Variants in WDR7 observed in about 807,000 individuals in gnomAD.
WDR7 encodes WD repeat domain 7, also known as WD repeat-containing protein 7.
WDR7 carries 46 observed loss-of-function variants against 169.4 expected under a neutral mutation model. The observed-to-expected ratio is 0.27, with a 90% CI of 0.21 to 0.35. The LOEUF is 0.35. WDR7 is among the 10% of genes least tolerant of loss of function. The probability of loss-of-function intolerance (pLI) is 1.00; values close to 1 mark genes in which losing one functional copy is unlikely to be tolerated. For synonymous variants in WDR7, 612 were observed against 666.8 expected (o/e 0.92, Z 1.27); for missense variants, 1,534 against 1,859.3 (o/e 0.83, Z 3.22).
intron 21 of WDR7, among the ~76,000 whole-genome samples, chr18:56,902,955 T>A (rs1044393933): frequency 2.6e-5 from 4 of 152,200 alleles, no homozygotes; most frequent in Non-Finnish European, 5.9e-5. Flanking sequence ...GCAGGTTCTT[T>A]CAAACTTGCT....
intron 20 of WDR7, among the ~76,000 whole-genome samples, chr18:56,822,671 G>T (rs1055671090): frequency 6.6e-6 from 1 of 152,142 alleles, no homozygotes; most frequent in African/African-American, 2.4e-5. Context: ...AAGTAGTTTA[G>T]ATGTATGTGA....
chr18:56,720,368 G>C (rs2026294229), intron 13 of WDR7, among the ~76,000 whole-genome samples: 1 of 152,036 alleles, frequency 6.6e-6, no homozygotes, highest in Non-Finnish European at 1.5e-5. Flanking sequence ...AGAATCACTT[G>C]AGACCAGGAG....
At chr18:56,734,876 A>G (rs981713823) in intron 14 of WDR7, among the ~76,000 whole-genome samples, 2 of 152,164 alleles carry the variant, frequency 1.3e-5, no homozygotes, top group Admixed American at 6.6e-5. Context: ...GCATTGTAGT[A>G]TAACTACACA....
At chr18:56,790,535 T>C (rs2044467899) in intron 19 of WDR7, among the ~76,000 whole-genome samples, 1 of 152,184 alleles carries the variant, frequency 6.6e-6, no homozygotes, top group African/African-American at 2.4e-5. Flanking sequence ...ATATTTTTAT[T>C]ATATTAGCTA....
chr18:56,801,275 G>A (rs953924335), intron 19 of WDR7, among the ~76,000 whole-genome samples: 4 of 152,124 alleles, frequency 2.6e-5, no homozygotes, highest in African/African-American at 7.2e-5. Context: ...GTAGTATTGT[G>A]TATAGTTATT....
At chr18:56,769,108 C>T (rs1041042110) in intron 16 of WDR7, among the ~76,000 whole-genome samples, 1 of 151,636 alleles carries the variant, frequency 6.6e-6, no homozygotes, top group Non-Finnish European at 1.5e-5. Flanking sequence ...CTTGATTTTG[C>T]GGTTTATGAA....
intron 16 of WDR7, among the ~76,000 whole-genome samples, chr18:56,769,953 T>A (rs2044127696): frequency 6.6e-6 from 1 of 152,200 alleles, no homozygotes; most frequent in African/African-American, 2.4e-5. Flanking sequence ...CACCTTTGAT[T>A]TGCTGTGGAA....
intron 1 of WDR7, among the ~76,000 whole-genome samples, chr18:56,661,907 T>G (rs2024912119): frequency 6.6e-6 from 1 of 152,200 alleles, no homozygotes; most frequent in Admixed American, 6.5e-5. Flanking sequence ...ATACATCATC[T>G]TAATCATCAT....
intron 12 of WDR7, among the ~76,000 whole-genome samples, chr18:56,715,326 A>C (rs1305893532): frequency 6.6e-6 from 1 of 152,210 alleles, no homozygotes; most frequent in Non-Finnish European, 1.5e-5. Context: ...AACGCCTAAC[A>C]TAGTAGAGAA....
intron 26 of WDR7, among the ~76,000 whole-genome samples, chr18:56,976,525 T>G (rs1235835443): frequency 6.6e-6 from 1 of 152,200 alleles, no homozygotes; most frequent in Admixed American, 6.5e-5. Context: ...GTAGGTAGTA[T>G]GGTGAGCAAC....
At chr18:56,965,852 G>T (rs530550463) in intron 26 of WDR7, among the ~76,000 whole-genome samples, 1 of 152,088 alleles carries the variant, frequency 6.6e-6, no homozygotes. Context: ...TTTGTGTGGG[G>T]TTGAACTCCA....
intron 25 of WDR7, among the ~76,000 whole-genome samples, chr18:56,951,481 G>A (rs902167306): frequency 5.9e-5 from 9 of 152,008 alleles, no homozygotes; most frequent in Non-Finnish European, 8.8e-5. Context: ...CTCATCTGTC[G>A]ATTCTAAGGT....
In WDR7 at chr18:56,756,717, T is replaced by A. The variant is rs1161208586; in HGVS notation, c.2124T>A (p.Ser708=). 6.2e-7 allele frequency: 1 copy of A among 1,614,100 alleles called. No homozygotes were observed. The highest frequency in any genetic ancestry group is 1.3e-5 in the African/African-American group (1 of 74,938). ...TTCAACTCCTGACTGAAGAAGCCTCTAGGCCGAATACTGCTCTTATTTCCC... is the reference window on the plus strand; with the variant it reads ...TTCAACTCCTGACTGAAGAAGCCTCAAGGCCGAATACTGCTCTTATTTCCC... ...LIIQLLTEEA[S]RPNTALISPE... Residue 708 remains serine (S), a synonymous_variant, in exon 15 of 28, where the codon TCT becomes TCA. Coordinates refer to ENST00000254442, the MANE Select transcript of WDR7 (RefSeq NM_015285.3).
chr18:56,935,655 C>T, intron 22 of WDR7, 133 bp from the exon 23 acceptor site: 1 of 789,086 alleles, frequency 1.3e-6, no homozygotes, highest in Non-Finnish European at 2.1e-6. Context: ...CCCATTGTTG[C>T]AAGTCCATTA....
In WDR7 at chr18:56,671,850, T is replaced by C. The variant is rs556555494; in HGVS notation, c.-19-647T>C. 7.2e-5 allele frequency among the ~76,000 whole-genome samples: 11 copies of C among 152,312 alleles called. No individual in the cohort carries two copies. In the East Asian group the frequency reaches 1.9e-3, roughly 27 times the overall value. On this transcript the variant is annotated intron_variant, in intron 1 of 27. Transcript: ENST00000254442. The stretch of plus-strand genomic sequence containing the variant: ...AATGGAGTTTATATATGTACTTACA[T>C]TTATACACACACATACAATGTTCAG...
rs79888078 is a variant in WDR7, at chr18:56,691,405, G to T, written c.863+44G>T. The T allele has an allele frequency of 5.6e-3, 8,597 of 1,529,018 alleles. 352 individuals are homozygous for T. In the African/African-American group the frequency reaches 0.098, roughly 17 times the overall value. The allele number at this position is 1,529,018 out of a possible 1,614,324, so 94.7% of individuals were successfully genotyped here. On this transcript the variant is annotated intron_variant, in intron 8 of 27. Coordinates refer to ENST00000254442, the MANE Select transcript of WDR7 (RefSeq NM_015285.3). ...ATTAGGACAGTCATCAAAAGTAAAA[G>T]ATTCAGAATTTAGGGTACAACCTGA... is the stretch of plus-strand genomic sequence containing the variant.
intron 21 of WDR7, among the ~76,000 whole-genome samples, chr18:56,898,200 T>C (rs983952280): frequency 2.6e-5 from 4 of 151,918 alleles, no homozygotes; most frequent in African/African-American, 9.7e-5. Flanking sequence ...CAAAATATGA[T>C]ATATTTTATG....
intron 21 of WDR7, among the ~76,000 whole-genome samples, chr18:56,896,482 A>G (rs2046333964): frequency 6.6e-6 from 1 of 151,906 alleles, no homozygotes; most frequent in African/African-American, 2.4e-5. Context: ...ACCTTGGTGC[A>G]GGAGAGACCA....
intron 7 of WDR7, among the ~76,000 whole-genome samples, chr18:56,689,361 A>G (rs957916813): frequency 1.3e-5 from 2 of 152,158 alleles, no homozygotes; most frequent in Non-Finnish European, 2.9e-5. Flanking sequence ...CTCAGGTTCA[A>G]GGGATTCTCC....
Sources: allele counts gnomAD v4.1 joint callset (sites outside exome capture counted in the v4.1 genomes callset), GRCh38; gene constraint gnomAD v4.1.1; transcripts MANE v1.5; gene names NCBI Gene and HGNC (gene_info 2026-07-23, HGNC 2026-07-21).